The following PER1 variants were observed in gnomAD, a reference collection of about 807,000 sequenced individuals.
PER1 encodes the protein period circadian regulator 1.
PER1 carries 87 observed loss-of-function variants against 125.9 expected under a neutral mutation model. The ratio of observed to expected loss-of-function variants is 0.69; its 90% confidence interval spans 0.58 to 0.83. The LOEUF (loss-of-function observed/expected upper bound fraction) is 0.83, where lower values mean the gene tolerates loss of function less well. Ranked by LOEUF, PER1 falls within the 40% of genes least tolerant of loss-of-function variation. The probability of loss-of-function intolerance (pLI) is 0.00; values close to 1 mark genes in which losing one functional copy is unlikely to be tolerated. For missense variants in PER1, 1,775 were observed against 1,722.8 expected (o/e 1.03, Z -0.54); for synonymous variants, 801 against 714.7 (o/e 1.12, Z -1.93).
Position 8,143,778 on chromosome 17 carries a change from AG to A in PER1, c.2559del (p.Cys854AlafsTer62). The A allele has an allele frequency of 6.2e-7, 1 of 1,605,570 alleles. No individual in the cohort carries two copies. The highest frequency in any genetic ancestry group is 8.5e-7 in the Non-Finnish European group (1 of 1,175,136). On this transcript the variant is annotated frameshift_variant, in exon 19 of 23. Transcript: ENST00000317276. LOFTEE classifies it high-confidence loss of function. ...RHHQNPRAEAPCYVSHPSPVP... is the reference protein window; with the variant it reads ...RHHQNPRAEAXCYVSHPSPVP... ...ACGGGTGAGGGGTGTGAGACATAGCAGGGCGCTTCAGCCCGAGGGTTCTGGT... is the reference window on the plus strand; with the variant it reads ...ACGGGTGAGGGGTGTGAGACATAGCAGGCGCTTCAGCCCGAGGGTTCTGGT...
Position 8,147,011 on chromosome 17 carries a change from C to G in PER1, c.1630-9G>C. The G allele has an allele frequency of 1.9e-6, 3 of 1,605,388 alleles. No homozygotes were observed. The highest frequency in any genetic ancestry group is 2.6e-6 in the Non-Finnish European group (3 of 1,172,688). ...ATCTGCTGGAAAGTCACCTGTGGGA[C>G]ACAGCACCACAGTGAGCAGAACCAG... On this transcript the variant is annotated splice_polypyrimidine_tract_variant and intron_variant, in intron 13 of 22. Transcript: ENST00000317276.
chr17:8,145,651 A>T (rs1350516256), intron 17 of PER1, among the ~76,000 whole-genome samples: 1 of 152,108 alleles, frequency 6.6e-6, no homozygotes, highest in Admixed American at 6.5e-5. Flanking sequence ...TCAATATCCA[A>T]AGACCCTTCA....
At chr17:8,147,225 G>A (rs1982507566) in intron 13 of PER1, 25 bp downstream of exon 13, 1 of 1,589,920 alleles carries the variant, frequency 6.3e-7, no homozygotes, top group Non-Finnish European at 8.6e-7. Context: ...GCGATTAGAG[G>A]GTGAGGTAGG....
intron 6 of PER1, 48 bp from the exon 7 acceptor site, chr17:8,149,358 A>G: frequency 6.2e-7 from 1 of 1,608,224 alleles, no homozygotes. Flanking sequence ...CCCCTTCCCT[A>G]GGCTGCGAAG....
In PER1 at chr17:8,150,064, T is replaced by C; in HGVS notation, c.436A>G (p.Lys146Glu). 1 of 1,614,206 alleles carries C rather than the reference T, an allele frequency of 6.2e-7. No homozygotes were observed. Among genetic ancestry groups the C allele is most frequent in the Non-Finnish European group, 8.5e-7 (1 of 1,180,030 alleles). The change falls in exon 4 of 23, where the codon AAG (lysine) becomes GAG (glutamate). Residue 146 changes from lysine to glutamate, a missense_variant. Physicochemically the swap from Lys to Glu is moderately conservative, Grantham distance 56. Transcript: ENST00000317276. The part of the protein sequence containing the change: ...KELMTALREL[K>E]LRLPPERRGK... Reference sequence around the variant, plus strand: ...CGGCGCTCTGGCGGCAGTCGAAGCTTGAGCTCTCGAAGTGCTGTCATGAGT... The same window carrying C: ...CGGCGCTCTGGCGGCAGTCGAAGCTCGAGCTCTCGAAGTGCTGTCATGAGT...
rs771198427 is a variant in PER1, at chr17:8,146,152, G to T, written c.2039-15C>A. 6.4e-7 allele frequency: 1 copy of T among 1,574,436 alleles called. No homozygotes were observed. The highest frequency in any genetic ancestry group is 1.2e-5 in the South Asian group (1 of 84,882). The stretch of plus-strand genomic sequence containing the variant: ...TGACGGCGGATCTGTGCAGAGAGAT[G>T]GTGCCAGTTACCATCCCCACCCCCA... On this transcript the variant is annotated splice_polypyrimidine_tract_variant and intron_variant, in intron 16 of 22. Transcript: ENST00000317276.
Position 8,148,627 on chromosome 17 carries a change from G to C in PER1, c.1048+17C>G, listed in dbSNP as rs1470889835. Reference sequence around the variant, plus strand: ...TTCCTCCCAGCCCCCACCAGGCCAGGGCCCTGACCTGCCCACCTTCGTAAC... The same window carrying C: ...TTCCTCCCAGCCCCCACCAGGCCAGCGCCCTGACCTGCCCACCTTCGTAAC... On this transcript the variant is annotated intron_variant, in intron 8 of 22. Transcript: ENST00000317276. 2 of 1,585,364 alleles carry C rather than the reference G, an allele frequency of 1.3e-6. No homozygotes were observed. Among genetic ancestry groups the C allele is most frequent in the Non-Finnish European group, 1.7e-6 (2 of 1,168,192 alleles).
Position 8,148,706 on chromosome 17 carries a change from T to A in PER1, c.986A>T (p.Asp329Val). The change falls in exon 8 of 23, where the codon GAT (aspartate) becomes GTT (valine). Residue 329 changes from aspartate (D) to valine (V), a missense_variant. Coordinates refer to ENST00000317276, the MANE Select transcript of PER1 (RefSeq NM_002616.3). ...GCAGCACGGCTGTGCAGGGGCCCCA[T>A]CTGAGACCCGGATCTTGGTCACATA... ...TPYVTKIRVSDGAPAQPCCLL... is the reference protein window; with the variant it reads ...TPYVTKIRVSVGAPAQPCCLL... The A allele has an allele frequency of 1.2e-6, 2 of 1,613,818 alleles. No individual in the cohort carries two copies. Among genetic ancestry groups the A allele is most frequent in the Non-Finnish European group, 1.7e-6 (2 of 1,179,896 alleles).
rs1192325569 is a variant in PER1, at chr17:8,150,735, G to A, written c.-29C>T. 1.3e-6 allele frequency: 2 copies of A among 1,504,998 alleles called. No homozygotes were observed. The highest frequency in any genetic ancestry group is 2.2e-4 in the Middle Eastern group (1 of 4,522). 93.2% of individuals were successfully genotyped at this position (1,504,998 alleles called of 1,614,324 possible). On this transcript the variant is annotated 5_prime_UTR_variant, in exon 2 of 23. Transcript: ENST00000317276. Reference sequence around the variant, plus strand: ...TGGGCCATGGGGAGAACAGAACAGAGAAGGCAGAGAGGCCACCACGGATGC... The same window carrying A: ...TGGGCCATGGGGAGAACAGAACAGAAAAGGCAGAGAGGCCACCACGGATGC...
chr17:8,149,180 C>T, intron 7 of PER1, 79 bp downstream of exon 7: 1 of 1,300,520 alleles, frequency 7.7e-7, no homozygotes, highest in South Asian at 1.2e-5. Context: ...CAGAGTGAGA[C>T]TCCCTTTCAA....
chr17:8,145,664 G>A (rs1029249984), intron 17 of PER1, among the ~76,000 whole-genome samples: 3 of 152,048 alleles, frequency 2.0e-5, no homozygotes, highest in Admixed American at 6.6e-5. Flanking sequence ...ACCCTTCAGG[G>A]ATGTTCAATT....
chr17:8,150,522 G>A lies in PER1; in HGVS notation c.185C>T (p.Ser62Phe). ...SSGNESNGHE[S>F]RGASQRSSHS... ...TGAGCTCCGCTGAGATGCGCCTCTA[G>A]ACTCATGCCCGTTGGACTCATTGCC... Residue 62 changes from serine to phenylalanine, a missense_variant, in exon 2 of 23, where the codon TCT (serine) becomes TTT (phenylalanine). Physicochemically the swap from Ser to Phe is radical, Grantham distance 155 (BLOSUM62 -2). Transcript: ENST00000317276. 1 of 1,614,182 alleles carries A rather than the reference G, an allele frequency of 6.2e-7. No homozygotes were observed. Among genetic ancestry groups the A allele is most frequent in the Non-Finnish European group, 8.5e-7 (1 of 1,180,028 alleles).
intron 19 of PER1, 119 bp from the exon 20 acceptor site, chr17:8,142,954 T>C (rs1982176306): frequency 1.3e-6 from 1 of 761,762 alleles, no homozygotes; most frequent in African/African-American, 1.7e-5. Flanking sequence ...TGCTCCCCAC[T>C]TCGTGACAGT....
Position 8,150,517 on chromosome 17 carries a change from C to T in PER1, c.190G>A (p.Gly64Ser), listed in dbSNP as rs1219780353. ...CTGTGTGAGCTCCGCTGAGATGCGCCTCTAGACTCATGCCCGTTGGACTCA... is the reference window on the plus strand; with the variant it reads ...CTGTGTGAGCTCCGCTGAGATGCGCTTCTAGACTCATGCCCGTTGGACTCA... ...GNESNGHESR[G>S]ASQRSSHSSS... The change falls in exon 2 of 23, where the codon GGC becomes AGC. Residue 64 changes from glycine to serine, a missense_variant. Physicochemically the swap from Gly to Ser is moderately conservative, Grantham distance 56. Transcript: ENST00000317276. 4 of 1,614,088 alleles carry T rather than the reference C, an allele frequency of 2.5e-6. No individual in the cohort carries two copies. Among genetic ancestry groups the T allele is most frequent in the East Asian group, 2.2e-5 (1 of 44,906 alleles).
intron 17 of PER1, 92 bp from the exon 18 acceptor site, chr17:8,145,085 C>A (rs1982346074): frequency 2.3e-6 from 3 of 1,299,208 alleles, no homozygotes; most frequent in African/African-American, 1.5e-5. Flanking sequence ...GCCTAGCCAA[C>A]CCCTGGCAGC....
chr17:8,149,125 G>A (rs909930384), intron 7 of PER1, 134 bp downstream of exon 7: 50 of 808,472 alleles, frequency 6.2e-5, no homozygotes, highest in Non-Finnish European at 7.9e-5. Context: ...GGAGGCGGAG[G>A]TTGCAGTGAG....
Position 8,143,649 on chromosome 17 carries a change from G to T in PER1, c.2689C>A (p.Pro897Thr). The change falls in exon 19 of 23, where the codon CCT (proline) becomes ACT (threonine). Residue 897 changes from proline to threonine, a missense_variant. Physicochemically the swap from Pro to Thr is conservative, Grantham distance 38 (BLOSUM62 -1). Coordinates refer to ENST00000317276, the MANE Select transcript of PER1 (RefSeq NM_002616.3). ...ACAGATGTGGGAGCAGGGGGAAGAGGCTGGGGGCCTCCTCGAGGAGAGAAC... is the reference window on the plus strand; with the variant it reads ...ACAGATGTGGGAGCAGGGGGAAGAGTCTGGGGGCCTCCTCGAGGAGAGAAC... ...PVFSPRGGPQ[P>T]LPPAPTSVPP... The T allele has an allele frequency of 1.4e-6, 2 of 1,457,446 alleles. No homozygotes were observed. Among genetic ancestry groups the T allele is most frequent in the African/African-American group, 2.8e-5 (2 of 70,288 alleles). The allele number at this position is 1,457,446 out of a possible 1,614,324, so 90.3% of individuals were successfully genotyped here.
At chr17:8,144,091 GC>G in intron 18 of PER1, 1 of 683,688 alleles carries the variant, frequency 1.5e-6, no homozygotes, top group Non-Finnish European at 2.3e-6. Context: ...AAGGAACAAG[GC>G]CAGGGAGAGG....
intron 13 of PER1, 121 bp from the exon 14 acceptor site, chr17:8,147,123 C>A: frequency 7.1e-7 from 1 of 1,417,244 alleles, no homozygotes; most frequent in Non-Finnish European, 9.7e-7. Flanking sequence ...GGGAGCAGGA[C>A]AAGAAGGAAA....
Sources: allele counts gnomAD v4.1 joint callset (sites outside exome capture counted in the v4.1 genomes callset), GRCh38; gene constraint gnomAD v4.1.1; transcripts MANE v1.5; gene names NCBI Gene and HGNC (gene_info 2026-07-23, HGNC 2026-07-21).